ZNF385D: variants seen among roughly 807,000 people sequenced by gnomAD.
The protein encoded by ZNF385D is zinc finger protein 659.
ZNF385D carries 15 observed loss-of-function variants against 35.8 expected under a neutral mutation model. The ratio of observed to expected loss-of-function variants is 0.42; its 90% CI spans 0.28 to 0.64. The LOEUF (loss-of-function observed/expected upper bound fraction) is 0.64, where lower values mean the gene tolerates loss of function less well. ZNF385D is among the 30% of genes least tolerant of loss of function. The pLI is 0.23. For synonymous variants in ZNF385D, 212 were observed against 186.8 expected, an observed-to-expected ratio of 1.13 and a Z score of -1.10; for missense variants, 474 against 494.6, an observed-to-expected ratio of 0.96 and a Z score of 0.39.
At chr3:21,706,967 T>G (rs561065930) in intron 1 of ZNF385D, among the ~76,000 whole-genome samples, 3 of 152,320 alleles carry the variant, frequency 2.0e-5, no homozygotes, top group East Asian at 3.9e-4. Flanking sequence ...TCCCTCTGTA[T>G]GCGTAGATAC....
Position 21,417,225 on chromosome 3 carries a change from C to T in ZNF385D, c.*3989G>A, listed in dbSNP as rs1195326342. On this transcript the variant is annotated 3_prime_UTR_variant, in exon 8 of 8. Transcript: ENST00000281523. ...TTCCTGAGAGGATAAAAGCAATGCC[C>T]CTCTAGTGCTGATGTATTAAACCAG... is the stretch of plus-strand genomic sequence containing the variant. 6.6e-6 allele frequency: 1 copy of T among 152,004 alleles called. No homozygotes were observed. The highest frequency in any genetic ancestry group is 2.4e-5 in the African/African-American group (1 of 41,376). 9.4% of individuals were successfully genotyped at this position (152,004 alleles called of 1,614,324 possible). A position where few individuals can be genotyped will look rare whatever the true frequency, so the allele number is the denominator to read the frequency against.
At chr3:21,883,343 CA>C (rs1305061434) in intron 3 of ZNF385D, among the ~76,000 whole-genome samples, 2 of 151,752 alleles carry the variant, frequency 1.3e-5, no homozygotes, top group African/African-American at 4.8e-5. Flanking sequence ...TCTTTCCCCT[CA>C]AAAAATAAAA....
chr3:22,302,996 A>G (rs1181633517), intron 2 of ZNF385D, among the ~76,000 whole-genome samples: 1 of 152,104 alleles, frequency 6.6e-6, no homozygotes, highest in African/African-American at 2.4e-5. Context: ...TTCTAATTTC[A>G]AAATTTGAAA....
intron 4 of ZNF385D, among the ~76,000 whole-genome samples, chr3:21,467,194 A>G (rs1300053081): frequency 2.0e-5 from 3 of 152,338 alleles, no homozygotes; most frequent in African/African-American, 7.2e-5. Context: ...CACATTAATT[A>G]CATTTACTTT....
At chr3:21,671,121 G>C (rs564684042) in intron 1 of ZNF385D, among the ~76,000 whole-genome samples, 1 of 151,892 alleles carries the variant, frequency 6.6e-6, no homozygotes, top group African/African-American at 2.4e-5. Context: ...AATATTCATG[G>C]CTCCTTTTAT....
chr3:22,231,330 A>G (rs140839228), intron 2 of ZNF385D, among the ~76,000 whole-genome samples: 20 of 152,226 alleles, frequency 1.3e-4, no homozygotes, highest in African/African-American at 4.8e-4. Flanking sequence ...ACTATTGGCA[A>G]TGAGAATGTC....
At chr3:22,155,144 T>C (rs1212038039) in intron 3 of ZNF385D, among the ~76,000 whole-genome samples, 2 of 152,126 alleles carry the variant, frequency 1.3e-5, no homozygotes, top group African/African-American at 4.8e-5. Flanking sequence ...TGTATGAATA[T>C]ATAAAAATAT....
At chr3:21,610,233 G>A (rs185782000) in intron 2 of ZNF385D, among the ~76,000 whole-genome samples, 494 of 151,900 alleles carry the variant, frequency 3.3e-3, no homozygotes, top group Non-Finnish European at 5.2e-3. Context: ...TTACAACAAA[G>A]GACAAACATT....
chr3:21,941,831 A>G (rs893852519), intron 3 of ZNF385D, among the ~76,000 whole-genome samples: 1 of 152,030 alleles, frequency 6.6e-6, no homozygotes, highest in Non-Finnish European at 1.5e-5. Flanking sequence ...ACCTCATTCT[A>G]CAATTAATTT....
intron 2 of ZNF385D, among the ~76,000 whole-genome samples, chr3:21,577,409 T>C (rs878962387): frequency 6.6e-6 from 1 of 152,204 alleles, no homozygotes; most frequent in African/African-American, 2.4e-5. Context: ...CATTCATCCA[T>C]TGATGGACAC....
chr3:22,063,379 A>G (rs2125546110), intron 3 of ZNF385D, among the ~76,000 whole-genome samples: 2 of 152,284 alleles, frequency 1.3e-5, no homozygotes, highest in South Asian at 4.2e-4. Context: ...ATAAAAATTG[A>G]ATAAAGCCTC....
chr3:22,143,144 A>G (rs147751685), intron 3 of ZNF385D, among the ~76,000 whole-genome samples: 5,418 of 149,488 alleles, frequency 0.036, 317 homozygotes, highest in African/African-American at 0.12. Context: ...GTGCAGTGGC[A>G]CGATCTCCGC....
intron 2 of ZNF385D, among the ~76,000 whole-genome samples, chr3:22,232,773 C>T (rs1309635844): frequency 1.3e-5 from 2 of 152,006 alleles, no homozygotes; most frequent in African/African-American, 4.8e-5. Context: ...TTTTCTTTAC[C>T]CAGTTTGTCA....
chr3:21,971,474 A>G (rs929685269), intron 3 of ZNF385D, among the ~76,000 whole-genome samples: 2 of 151,914 alleles, frequency 1.3e-5, no homozygotes, highest in Admixed American at 1.3e-4. Context: ...CAAAAAAAAT[A>G]ATGGATACAC....
At chr3:22,324,393 CAAAT>C (rs1327382632) in intron 2 of ZNF385D, among the ~76,000 whole-genome samples, 2 of 152,002 alleles carry the variant, frequency 1.3e-5, no homozygotes, top group East Asian at 3.9e-4. Context: ...GTCCATTTGT[CAAAT>C]AAATGCAGAC....
At chr3:22,204,737 A>G (rs1477096347) in intron 2 of ZNF385D, among the ~76,000 whole-genome samples, 2 of 151,754 alleles carry the variant, frequency 1.3e-5, no homozygotes, top group South Asian at 2.1e-4. Flanking sequence ...AAAATGCCAT[A>G]TATCATTCTT....
intron 3 of ZNF385D, among the ~76,000 whole-genome samples, chr3:21,962,221 G>C (rs1042983235): frequency 2.0e-5 from 3 of 152,128 alleles, no homozygotes; most frequent in African/African-American, 4.8e-5. Context: ...CCTGGTGCTG[G>C]ATGTAAAGAG....
chr3:21,636,800 A>G (rs1032891209), intron 2 of ZNF385D, among the ~76,000 whole-genome samples: 1 of 151,918 alleles, frequency 6.6e-6, no homozygotes, highest in African/African-American at 2.4e-5. Context: ...AGTATTAACC[A>G]TCACAGGTGG....
intron 3 of ZNF385D, among the ~76,000 whole-genome samples, chr3:21,926,985 T>A (rs983484959): frequency 4.6e-5 from 7 of 152,110 alleles, no homozygotes; most frequent in African/African-American, 1.7e-4. Flanking sequence ...ATATTGAAGG[T>A]AGGGTCTAGT....
Sources: gnomAD v4.1 joint callset for allele counts (sites outside exome capture counted in the v4.1 genomes callset) on GRCh38, gnomAD v4.1.1 for gene constraint, MANE v1.5 for transcripts, NCBI Gene and HGNC (gene_info 2026-07-23, HGNC 2026-07-21) for gene names.